SHISA6: variants seen among roughly 807,000 people sequenced by gnomAD.
SHISA6 encodes shisa family member 6.
Under a neutral mutation model 47.9 loss-of-function variants are expected in SHISA6, and 22 were observed. That is an observed-to-expected ratio of 0.46 (90% CI 0.33 to 0.66). The LOEUF is 0.66. Among genes scored for constraint, SHISA6 ranks in the 30% least tolerant of loss-of-function variants. SHISA6 has a pLI of 0.02. For missense variants in SHISA6, 680 were observed against 764.6 expected, an observed-to-expected ratio of 0.89 and a Z score of 1.30; for synonymous variants, 388 against 337.8, an observed-to-expected ratio of 1.15 and a Z score of -1.63.
At chr17:11,533,492 TCAC>T (rs1402459682) in intron 3 of SHISA6, among the ~76,000 whole-genome samples, 1 of 152,006 alleles carries the variant, frequency 6.6e-6, no homozygotes, top group Non-Finnish European at 1.5e-5. Flanking sequence ...GTGAAAGAAG[TCAC>T]CTCCCCTGGC....
intron 3 of SHISA6, among the ~76,000 whole-genome samples, chr17:11,487,802 T>TCTAA (rs1221280759): frequency 6.6e-6 from 1 of 151,492 alleles, no homozygotes; most frequent in Non-Finnish European, 1.5e-5. Flanking sequence ...GAACCTGGAG[T>TCTAA]CTAAGTCTTA....
At chr17:11,518,297 G>A (rs549073278) in intron 3 of SHISA6, among the ~76,000 whole-genome samples, 1 of 152,262 alleles carries the variant, frequency 6.6e-6, no homozygotes, top group East Asian at 1.9e-4. Flanking sequence ...GAACTATGCT[G>A]GGCACATAGT....
chr17:11,304,711 A>G (rs532423717), intron 2 of SHISA6, among the ~76,000 whole-genome samples: 51 of 152,168 alleles, frequency 3.4e-4, no homozygotes, highest in Middle Eastern at 3.4e-3. Flanking sequence ...AAGAGAGAAG[A>G]TCCCAAAATA....
intron 3 of SHISA6, among the ~76,000 whole-genome samples, chr17:11,427,327 G>T (rs1914635937): frequency 6.6e-6 from 1 of 152,098 alleles, no homozygotes; most frequent in Non-Finnish European, 1.5e-5. Context: ...TAGAGACGGG[G>T]TTTCACCATG....
chr17:11,350,617 C>G (rs1358640432), intron 2 of SHISA6, among the ~76,000 whole-genome samples: 3 of 152,100 alleles, frequency 2.0e-5, no homozygotes, highest in Admixed American at 6.6e-5. Flanking sequence ...CACTGTCAAT[C>G]ATCTCTCACT....
intron 1 of SHISA6, among the ~76,000 whole-genome samples, chr17:11,248,374 T>G (rs1376832704): frequency 6.6e-6 from 1 of 152,186 alleles, no homozygotes; most frequent in Non-Finnish European, 1.5e-5. Flanking sequence ...GCAACTGAAA[T>G]TCAGAGAGGC....
At chr17:11,485,775 T>TA (rs1168921209) in intron 3 of SHISA6, among the ~76,000 whole-genome samples, 7 of 151,218 alleles carry the variant, frequency 4.6e-5, no homozygotes, top group African/African-American at 9.7e-5. Flanking sequence ...TTTTTTTTTT[T>TA]AAATCACTCC....
intron 3 of SHISA6, among the ~76,000 whole-genome samples, chr17:11,401,911 TA>T (rs1053104080): frequency 2.0e-5 from 3 of 152,074 alleles, no homozygotes; most frequent in Non-Finnish European, 2.9e-5. Context: ...ATCTATAAAG[TA>T]AAAAGTCATG....
chr17:11,370,592 C>G (rs1335289458), intron 2 of SHISA6, among the ~76,000 whole-genome samples: 1 of 152,164 alleles, frequency 6.6e-6, no homozygotes, highest in Non-Finnish European at 1.5e-5. Context: ...AAGCTGCATT[C>G]TAGGTTCTTA....
intron 3 of SHISA6, among the ~76,000 whole-genome samples, chr17:11,460,780 A>G (rs1000839974): frequency 6.6e-5 from 10 of 152,196 alleles, no homozygotes. Flanking sequence ...TGAGACATTG[A>G]GACTTTGACT....
chr17:11,281,032 C>T (rs77196909), intron 2 of SHISA6, among the ~76,000 whole-genome samples: 26,796 of 152,184 alleles, frequency 0.18, 2,808 homozygotes, highest in Middle Eastern at 0.24. Flanking sequence ...GTCCTACAAA[C>T]TTGCATAGTC....
chr17:11,382,560 G>A (rs1270926195), intron 3 of SHISA6, among the ~76,000 whole-genome samples: 1 of 152,222 alleles, frequency 6.6e-6, no homozygotes, highest in Non-Finnish European at 1.5e-5. Flanking sequence ...AACATCTAAT[G>A]TGGGGTCACT....
chr17:11,275,535 G>A (rs1162491948), intron 2 of SHISA6, among the ~76,000 whole-genome samples: 1 of 152,160 alleles, frequency 6.6e-6, no homozygotes, highest in African/African-American at 2.4e-5. Context: ...TTTACATTCA[G>A]CTGGAGGAGG....
chr17:11,353,454 TA>T (rs531371915), intron 2 of SHISA6, among the ~76,000 whole-genome samples: 13,674 of 126,146 alleles, frequency 0.11, 882 homozygotes, highest in African/African-American at 0.19. Flanking sequence ...AGACTCCGTC[TA>T]AAAAAAAAAA....
At chr17:11,382,867 C>A (rs1597485930) in intron 3 of SHISA6, among the ~76,000 whole-genome samples, 1 of 150,332 alleles carries the variant, frequency 6.7e-6, no homozygotes, top group East Asian at 2.0e-4. Flanking sequence ...ATGGATGGTC[C>A]TTGTTCTAAG....
At chr17:11,407,874 C>T (rs568304926) in intron 3 of SHISA6, among the ~76,000 whole-genome samples, 1 of 152,306 alleles carries the variant, frequency 6.6e-6, no homozygotes, top group East Asian at 1.9e-4. Context: ...GAGGACCTGC[C>T]TGTGAAATGC....
chr17:11,546,712 G>T (rs2071886458), intron 3 of SHISA6, among the ~76,000 whole-genome samples: 1 of 152,192 alleles, frequency 6.6e-6, no homozygotes, highest in African/African-American at 2.4e-5. Context: ...TTGAGGTCAG[G>T]AGTTTGAGAC....
At chr17:11,462,078 A>G (rs1915706175) in intron 3 of SHISA6, among the ~76,000 whole-genome samples, 1 of 152,194 alleles carries the variant, frequency 6.6e-6, no homozygotes, top group African/African-American at 2.4e-5. Flanking sequence ...ATAAGAGGGG[A>G]AAAGATCAGC....
intron 3 of SHISA6, among the ~76,000 whole-genome samples, chr17:11,472,956 C>T (rs548506954): frequency 2.6e-4 from 39 of 152,268 alleles, no homozygotes; most frequent in African/African-American, 9.4e-4. Context: ...TATATATCTC[C>T]TTTGGTGATG....
Sources: allele counts gnomAD v4.1 joint callset (sites outside exome capture counted in the v4.1 genomes callset), GRCh38; gene constraint gnomAD v4.1.1; transcripts MANE v1.5; gene names NCBI Gene and HGNC (gene_info 2026-07-23, HGNC 2026-07-21).